DDR2: variants seen among roughly 807,000 people sequenced by gnomAD.
DDR2 encodes the protein discoidin domain receptor tyrosine kinase 2.
DDR2 carries 27 observed loss-of-function variants against 94.9 expected under a neutral mutation model. The observed-to-expected ratio is 0.28, with a 90% CI of 0.21 to 0.39. DDR2 has a LOEUF of 0.39. Among genes scored for constraint, DDR2 ranks in the 10% least tolerant of loss-of-function variants. The probability of loss-of-function intolerance (pLI) is 1.00; values close to 1 mark genes in which losing one functional copy is unlikely to be tolerated. For synonymous variants in DDR2, 382 were observed against 377.2 expected, an observed-to-expected ratio of 1.01 and a Z score of -0.15; for missense variants, 783 against 1,076.0, an observed-to-expected ratio of 0.73 and a Z score of 3.81.
chr1:162,776,777 A>C (rs1441030566), intron 16 of DDR2, among the ~76,000 whole-genome samples: 2 of 152,150 alleles, frequency 1.3e-5, no homozygotes, highest in African/African-American at 4.8e-5. Flanking sequence ...ATTGTATTTC[A>C]ATACTTTTCA....
intron 1 of DDR2, among the ~76,000 whole-genome samples, chr1:162,640,040 A>T (rs1223564223): frequency 6.6e-6 from 1 of 151,948 alleles, no homozygotes; most frequent in Non-Finnish European, 1.5e-5. Context: ...CTTTGGGTGA[A>T]ATGATTTTTT....
At chr1:162,741,461 G>T in intron 3 of DDR2, 1 of 409,056 alleles carries the variant, frequency 2.4e-6, no homozygotes, top group Non-Finnish European at 3.3e-6. Flanking sequence ...TACTCAACCT[G>T]TATATATTTT....
chr1:162,674,152 ATTC>A (rs1659016574), intron 2 of DDR2, among the ~76,000 whole-genome samples: 2 of 152,078 alleles, frequency 1.3e-5, no homozygotes, highest in East Asian at 3.9e-4. Flanking sequence ...TTGCTTTTCT[ATTC>A]TTCCCAAACT....
At chr1:162,748,987 C>T (rs1663034701) in intron 3 of DDR2, among the ~76,000 whole-genome samples, 1 of 152,230 alleles carries the variant, frequency 6.6e-6, no homozygotes, top group African/African-American at 2.4e-5. Context: ...ACCAGAATCT[C>T]TGGGACACAT....
intron 3 of DDR2, among the ~76,000 whole-genome samples, chr1:162,750,114 A>C (rs1025479842): frequency 1.3e-5 from 2 of 152,194 alleles, no homozygotes; most frequent in African/African-American, 4.8e-5. Flanking sequence ...CACCACTCCT[A>C]TTCAACATAG....
chr1:162,653,450 G>A (rs1209394309), intron 1 of DDR2, among the ~76,000 whole-genome samples: 1 of 152,062 alleles, frequency 6.6e-6, no homozygotes, highest in African/African-American at 2.4e-5. Context: ...GGTGGCGAGT[G>A]CCTGTAATCC....
intron 3 of DDR2, among the ~76,000 whole-genome samples, chr1:162,722,410 T>C (rs532762621): frequency 6.6e-6 from 1 of 152,312 alleles, no homozygotes; most frequent in Non-Finnish European, 1.5e-5. Flanking sequence ...TCAGCTATCT[T>C]CCAGCTGCAA....
intron 16 of DDR2, among the ~76,000 whole-genome samples, chr1:162,778,185 G>C (rs1647693107): frequency 6.6e-6 from 1 of 152,164 alleles, no homozygotes; most frequent in Admixed American, 6.5e-5. Flanking sequence ...ACTGGTAAAT[G>C]AGAGTCCTGG....
Position 162,753,098 on chromosome 1 carries a change from T to C in DDR2, c.86T>C (p.Ile29Thr), listed in dbSNP as rs1350272680. The C allele has an allele frequency of 1.2e-6, 2 of 1,613,238 alleles. No homozygotes were observed. The highest frequency in any genetic ancestry group is 2.7e-5 in the African/African-American group (2 of 74,906). The change falls in exon 4 of 18, where the codon ATA becomes ACA. Residue 29 changes from isoleucine to threonine, a missense_variant. Around this residue, in one of 2 missense-constraint regions of DDR2, gnomAD observed 519 missense variants for 647.9 expected, o/e 0.80. Coordinates refer to ENST00000367921, the MANE Select transcript of DDR2 (RefSeq NM_006182.4). ...SSAKAQVNPAICRYPLGMSGG... is the reference protein window; with the variant it reads ...SSAKAQVNPATCRYPLGMSGG... Reference sequence around the variant, plus strand: ...TCTTTGGTTTCTCTTGGTCTAGCTATATGCCGCTATCCTCTGGGCATGTCA... The same window carrying C: ...TCTTTGGTTTCTCTTGGTCTAGCTACATGCCGCTATCCTCTGGGCATGTCA...
At chr1:162,729,799 A>C (rs1339942065) in intron 3 of DDR2, among the ~76,000 whole-genome samples, 2 of 151,586 alleles carry the variant, frequency 1.3e-5, no homozygotes, top group Non-Finnish European at 2.9e-5. Context: ...GCTGGAGTGC[A>C]ATGGCGCAAT....
intron 3 of DDR2, among the ~76,000 whole-genome samples, chr1:162,737,455 A>G (rs1169037742): frequency 2.2e-5 from 3 of 135,868 alleles, no homozygotes; most frequent in Non-Finnish European, 4.8e-5. Context: ...GATGTTTTCC[A>G]ATTTCATCCA....
chr1:162,711,197 A>G (rs1015701760), intron 2 of DDR2, among the ~76,000 whole-genome samples: 1 of 152,170 alleles, frequency 6.6e-6, no homozygotes, highest in Non-Finnish European at 1.5e-5. Flanking sequence ...TCAATTTTGA[A>G]TGTACTGAAA....
intron 1 of DDR2, among the ~76,000 whole-genome samples, chr1:162,652,747 C>G (rs1657766065): frequency 6.6e-6 from 1 of 152,174 alleles, no homozygotes; most frequent in Admixed American, 6.5e-5. Context: ...CACTAAGCAA[C>G]CTCCCAAGAT....
intron 2 of DDR2, among the ~76,000 whole-genome samples, chr1:162,692,245 C>T (rs1659990780): frequency 6.6e-6 from 1 of 152,212 alleles, no homozygotes; most frequent in South Asian, 2.1e-4. Flanking sequence ...TCTACTCATC[C>T]TTCTTTATGA....
intron 7 of DDR2, among the ~76,000 whole-genome samples, chr1:162,758,892 A>C (rs1386296549): frequency 1.3e-5 from 2 of 152,170 alleles, no homozygotes; most frequent in Admixed American, 1.3e-4. Context: ...AGGAAAGAGA[A>C]GTTCCACATG....
chr1:162,674,314 A>G (rs944329335), intron 2 of DDR2, among the ~76,000 whole-genome samples: 6 of 152,130 alleles, frequency 3.9e-5, no homozygotes, highest in Non-Finnish European at 8.8e-5. Flanking sequence ...TCAGGCTGCA[A>G]TCCCAATGCA....
intron 2 of DDR2, among the ~76,000 whole-genome samples, chr1:162,713,141 T>C (rs568398671): frequency 1.3e-5 from 2 of 152,266 alleles, no homozygotes; most frequent in South Asian, 4.1e-4. Context: ...AGTTCAGGAA[T>C]TCTAAAATAG....
chr1:162,703,076 T>C (rs1021387250), intron 2 of DDR2, among the ~76,000 whole-genome samples: 1 of 152,170 alleles, frequency 6.6e-6, no homozygotes, highest in African/African-American at 2.4e-5. Flanking sequence ...GAAGACTAGA[T>C]TGAGTGATAA....
chr1:162,643,717 G>T (rs10799852), intron 1 of DDR2, among the ~76,000 whole-genome samples: 39,501 of 152,114 alleles, frequency 0.26, 5,485 homozygotes, highest in African/African-American at 0.33. Flanking sequence ...CTGACCTCAG[G>T]TGATCCACCT....
Sources: allele counts gnomAD v4.1 joint callset (sites outside exome capture counted in the v4.1 genomes callset), GRCh38; gene constraint gnomAD v4.1.1; regional missense constraint gnomAD v4.1.1; transcripts MANE v1.5; gene names NCBI Gene and HGNC (gene_info 2026-07-23, HGNC 2026-07-21).